CD44: variants seen among roughly 807,000 people sequenced by gnomAD.
CD44 encodes CD44 molecule (IN blood group).
A neutral mutation model predicts 88.8 loss-of-function variants in CD44; 49 were observed. That is an observed-to-expected ratio of 0.55 (90% CI 0.44 to 0.70). The LOEUF is 0.70. CD44 is among the 30% of genes least tolerant of loss of function. The pLI is 0.00. For synonymous variants in CD44, 325 were observed against 312.3 expected (o/e 1.04, Z -0.43); for missense variants, 883 against 913.8 (o/e 0.97, Z 0.43).
At chr11:35,159,692 T>C (rs1942350471) in intron 1 of CD44, among the ~76,000 whole-genome samples, 1 of 152,216 alleles carries the variant, frequency 6.6e-6, no homozygotes, top group African/African-American at 2.4e-5. Context: ...ACTGAATAAA[T>C]GAATGGCTGA....
chr11:35,211,169 G>A (rs1192145690), intron 13 of CD44, 77 bp from the exon 14 acceptor site: 2 of 1,083,564 alleles, frequency 1.8e-6, no homozygotes, highest in South Asian at 1.3e-5. Flanking sequence ...TGCAGCAATT[G>A]TGTGTTCTGG....
At chr11:35,207,090 G>A (rs976608693) in intron 11 of CD44, among the ~76,000 whole-genome samples, 4 of 152,206 alleles carry the variant, frequency 2.6e-5, no homozygotes, top group Non-Finnish European at 4.4e-5. Context: ...CATCAAGTGG[G>A]ACTTTTTCTG....
intron 7 of CD44, among the ~76,000 whole-genome samples, chr11:35,199,762 C>CATTATACT (rs961390211): frequency 1.3e-5 from 2 of 152,042 alleles, no homozygotes; most frequent in African/African-American, 4.8e-5. Flanking sequence ...TGGAGTTTTA[C>CATTATACT]ATTATACTGT....
intron 15 of CD44, among the ~76,000 whole-genome samples, chr11:35,217,432 T>TGGCC (rs1272029420): frequency 3.3e-5 from 5 of 150,212 alleles, no homozygotes; most frequent in Admixed American, 6.6e-5. Context: ...TCAGTTTAGG[T>TGGCC]GGCCAGTGTC....
At chr11:35,204,838 C>A in intron 10 of CD44, 198 bp downstream of exon 10, 1 of 519,544 alleles carries the variant, frequency 1.9e-6, no homozygotes, top group Non-Finnish European at 3.4e-6. Flanking sequence ...TGGATACAAG[C>A]CAGTTATGAA....
intron 17 of CD44, among the ~76,000 whole-genome samples, chr11:35,228,262 T>C (rs1949847932): frequency 6.6e-6 from 1 of 152,234 alleles, no homozygotes; most frequent in Non-Finnish European, 1.5e-5. Flanking sequence ...TGAGAAACCT[T>C]AAATTAACGA....
intron 1 of CD44, 173 bp downstream of exon 1, chr11:35,139,543 A>C (rs762813762): frequency 1.0e-5 from 8 of 772,870 alleles, no homozygotes; most frequent in Non-Finnish European, 1.6e-5. Context: ...CCGTTGGAGA[A>C]TGTGTCTGTG....
chr11:35,230,020 G>A lies in CD44; in HGVS notation c.*687G>A, dbSNP rs1440782769. On this transcript the variant is annotated 3_prime_UTR_variant, in exon 18 of 18. Transcript: ENST00000428726. ...TCATAATAAATATCTGTACTTCTTC[G>A]ATCTTCACCTTTTGTGCTGTGATTC... The A allele has an allele frequency of 2.0e-5, 3 of 152,126 alleles. No individual in the cohort carries two copies. Among genetic ancestry groups the A allele is most frequent in the East Asian group, 1.9e-4 (1 of 5,192 alleles). The allele number at this position is 152,126 out of a possible 1,614,324, so 9.4% of individuals were successfully genotyped here.
intron 5 of CD44, among the ~76,000 whole-genome samples, chr11:35,192,345 A>G (rs149905879): frequency 1.1e-4 from 17 of 152,334 alleles, no homozygotes; most frequent in African/African-American, 3.4e-4. Flanking sequence ...GCATAATGGC[A>G]TGCCAGGAAA....
chr11:35,221,560 G>T, intron 16 of CD44, 94 bp from the exon 17 acceptor site: 1 of 1,046,568 alleles, frequency 9.6e-7, no homozygotes, highest in Non-Finnish European at 1.5e-6. Context: ...TGACTGTGGT[G>T]CTTGTTTCAA....
rs1591204784 is a variant in CD44, at chr11:35,197,974, A to G, written c.797-147A>G. On this transcript the variant is annotated intron_variant, in intron 6 of 17. Transcript: ENST00000428726. ...ATGTATTAGCTTCGGAGATCAGAAC[A>G]TAAGAATTTGGGGTATGCAAGTCAA... is the stretch of plus-strand genomic sequence containing the variant. 1.5e-5 allele frequency: 10 copies of G among 673,772 alleles called. No individual in the cohort carries two copies. The East Asian group carries it at 2.5e-4, about 17-fold the overall frequency. 41.7% of individuals were successfully genotyped at this position (673,772 alleles called of 1,614,324 possible).
At chr11:35,175,160 G>A (rs555758209) in intron 1 of CD44, among the ~76,000 whole-genome samples, 1 of 152,326 alleles carries the variant, frequency 6.6e-6, no homozygotes, top group East Asian at 1.9e-4. Flanking sequence ...TCTAGGATGG[G>A]AAGGAGCTCA....
intron 3 of CD44, among the ~76,000 whole-genome samples, chr11:35,185,607 T>A (rs533457877): frequency 1.3e-5 from 2 of 152,214 alleles, no homozygotes; most frequent in South Asian, 4.1e-4. Flanking sequence ...TATCCATCCA[T>A]CTCCATCCAT....
rs934452615 is a variant in CD44 at position 35,232,347 on chromosome 11, A to G, written c.*3014A>G. Reference sequence around the variant, plus strand: ...GCATGATATGTATATTGCTGAGTTGAAAGCACTTATTGGAAAATATTAAAA... The same window carrying G: ...GCATGATATGTATATTGCTGAGTTGGAAGCACTTATTGGAAAATATTAAAA... On this transcript the variant is annotated 3_prime_UTR_variant, in exon 18 of 18. Coordinates refer to ENST00000428726, the MANE Select transcript of CD44 (RefSeq NM_000610.4). The G allele has an allele frequency of 2.0e-5, 3 of 152,626 alleles. No individual in the cohort carries two copies. The highest frequency in any genetic ancestry group is 7.2e-5 in the African/African-American group (3 of 41,454). 9.5% of individuals were successfully genotyped at this position (152,626 alleles called of 1,614,324 possible).
intron 1 of CD44, among the ~76,000 whole-genome samples, chr11:35,168,881 C>T (rs571752369): frequency 2.4e-4 from 36 of 152,170 alleles, no homozygotes; most frequent in Admixed American, 1.4e-3. Flanking sequence ...GGTATGTGAA[C>T]ATACTGTCCT....
Position 35,211,209 on chromosome 11 carries a change from C to T in CD44, c.1607-37C>T, listed in dbSNP as rs1342309107. 6 of 1,530,454 alleles carry T rather than the reference C, an allele frequency of 3.9e-6. No homozygotes were observed. The African/African-American group carries it at 8.2e-5, about 21-fold the overall frequency. The allele number at this position is 1,530,454 out of a possible 1,614,324, so 94.8% of individuals were successfully genotyped here. A position where few individuals can be genotyped will look rare whatever the true frequency, so the allele number is the denominator to read the frequency against. ...AAGCACATGGTGGGTGGTGATCTTA[C>T]AAATACGGGTTCATCACTGATTCCA... is the stretch of plus-strand genomic sequence containing the variant. On this transcript the variant is annotated intron_variant, in intron 13 of 17. Transcript: ENST00000428726.
chr11:35,211,574 T>C, intron 14 of CD44, 125 bp downstream of exon 14: 1 of 666,096 alleles, frequency 1.5e-6, no homozygotes, highest in Admixed American at 2.8e-5. Flanking sequence ...GAAATATCTT[T>C]CATTATTGGT....
In CD44 at chr11:35,186,887, A is replaced by T; in HGVS notation, c.423A>T (p.Gly141=). Residue 141 remains glycine, a synonymous_variant, in exon 4 of 18, where the codon GGA becomes GGT. Transcript: ENST00000428726. Reference sequence around the variant, plus strand: ...CAGACCTGCCCAATGCCTTTGATGGACCAATTACCATAAGTATGTCTCTCT... The same window carrying T: ...CAGACCTGCCCAATGCCTTTGATGGTCCAATTACCATAAGTATGTCTCTCT... The part of the protein sequence containing the change: ...SVTDLPNAFD[G]PITITIVNRD... 6.3e-7 allele frequency: 1 copy of T among 1,590,908 alleles called. No individual in the cohort carries two copies. Among genetic ancestry groups the T allele is most frequent in the South Asian group, 1.1e-5 (1 of 90,620 alleles).
At chr11:35,163,010 T>G (rs1278006915) in intron 1 of CD44, among the ~76,000 whole-genome samples, 1 of 152,178 alleles carries the variant, frequency 6.6e-6, no homozygotes, top group East Asian at 1.9e-4. Flanking sequence ...TTCTGAGTCC[T>G]CTGACTTTGA....
Sources: gnomAD v4.1 joint callset for allele counts (sites outside exome capture counted in the v4.1 genomes callset) on GRCh38, gnomAD v4.1.1 for gene constraint, MANE v1.5 for transcripts, NCBI Gene and HGNC (gene_info 2026-07-23, HGNC 2026-07-21) for gene names.